The following ZZEF1 variants were observed in gnomAD, a reference collection of about 807,000 sequenced individuals.
ZZEF1 encodes the protein zinc finger ZZ-type and EF-hand domain containing 1, also known as zinc finger ZZ-type and EF-hand domain-containing protein 1.
In ZZEF1, 157 loss-of-function variants were observed where a neutral mutation model predicts 342.8. That is an observed-to-expected ratio of 0.46 (90% CI 0.40 to 0.52). The LOEUF is 0.52. Ranked by LOEUF, ZZEF1 falls within the 20% of genes least tolerant of loss-of-function variation. ZZEF1 has a pLI of 0.00. For missense variants in ZZEF1, 3,480 were observed against 3,725.6 expected (o/e 0.93, Z 1.72); for synonymous variants, 1,505 against 1,429.1 (o/e 1.05, Z -1.20).
Position 4,062,902 on chromosome 17 carries a change from A to G in ZZEF1, c.4734T>C (p.Leu1578=). 3 of 1,611,748 alleles carry G rather than the reference A, an allele frequency of 1.9e-6. No individual in the cohort carries two copies. Among genetic ancestry groups the G allele is most frequent in the East Asian group, 2.2e-5 (1 of 44,876 alleles). Residue 1578 remains leucine, a synonymous_variant, in exon 30 of 55, where the codon CTT becomes CTC. Transcript: ENST00000381638. ...SLSHRSVVKV[L]SLRKAQAQSI... Reference sequence around the variant, plus strand: ...TCTGGGCCTGGGCTTTCCTCAGGGAAAGAACCTTCACAACACTGGAGACAC... The same window carrying G: ...TCTGGGCCTGGGCTTTCCTCAGGGAGAGAACCTTCACAACACTGGAGACAC...
intron 11 of ZZEF1, among the ~76,000 whole-genome samples, chr17:4,093,381 T>C (rs751996874): frequency 6.6e-5 from 10 of 152,192 alleles, no homozygotes; most frequent in Non-Finnish European, 1.3e-4. Context: ...TGAAGAGACA[T>C]TACAAATGTG....
chr17:4,028,466 T>G (rs1202018983), intron 42 of ZZEF1, among the ~76,000 whole-genome samples: 1 of 151,198 alleles, frequency 6.6e-6, no homozygotes, highest in African/African-American at 2.4e-5. Flanking sequence ...GAGAACTGCT[T>G]GAACCCTGGG....
chr17:4,054,771 T>C (rs2057121114), intron 33 of ZZEF1, among the ~76,000 whole-genome samples: 1 of 151,944 alleles, frequency 6.6e-6, no homozygotes, highest in Non-Finnish European at 1.5e-5. Context: ...CTTCTGGAAG[T>C]TGAGGAAAGA....
intron 18 of ZZEF1, among the ~76,000 whole-genome samples, chr17:4,080,363 CAG>C (rs757555753): frequency 7.9e-5 from 12 of 151,594 alleles, no homozygotes; most frequent in Non-Finnish European, 1.6e-4. Flanking sequence ...TGTTTTGAGA[CAG>C]AGTTTCGCTC....
chr17:4,076,626 A>C lies in ZZEF1; in HGVS notation c.3234+11T>G. 2 of 1,603,102 alleles carry C rather than the reference A, an allele frequency of 1.2e-6. No individual in the cohort carries two copies. Among genetic ancestry groups the C allele is most frequent in the Non-Finnish European group, 1.7e-6 (2 of 1,173,766 alleles). On this transcript the variant is annotated intron_variant, in intron 21 of 54. Coordinates refer to ENST00000381638, the MANE Select transcript of ZZEF1 (RefSeq NM_015113.4). ...AGAACACGGGGCGGCTCAAGTGCTG[A>C]CTCGAGTTACCTTCCTCAGTCCTCC... is the stretch of plus-strand genomic sequence containing the variant.
At chr17:4,037,567 C>T (rs927155463) in intron 39 of ZZEF1, among the ~76,000 whole-genome samples, 4 of 152,116 alleles carry the variant, frequency 2.6e-5, no homozygotes, top group South Asian at 2.1e-4. Flanking sequence ...AACTGCTACA[C>T]GTTCATTCTT....
Position 4,054,063 on chromosome 17 carries a change from A to G in ZZEF1, c.5428T>C (p.Phe1810Leu). The G allele has an allele frequency of 6.2e-7, 1 of 1,610,022 alleles. No individual in the cohort carries two copies. ...CCCAGTTCATGAAATTTACCTAGGA[A>G]GCAAGTTTTGCAGAGATCCATGTCG... ...CSDMDLCKTC[F>L]LGGVKPEGHG... Residue 1810 changes from phenylalanine to leucine, a missense_variant, in exon 34 of 55, where the codon TTC becomes CTC. Physicochemically the swap from Phe to Leu is conservative, Grantham distance 22. Transcript: ENST00000381638.
intron 45 of ZZEF1, among the ~76,000 whole-genome samples, chr17:4,020,434 C>T (rs1328381790): frequency 6.6e-6 from 1 of 152,226 alleles, no homozygotes; most frequent in Non-Finnish European, 1.5e-5. Context: ...ACTTGAACTC[C>T]TGGCCTCAAG....
At chr17:4,141,582 T>C (rs1417378097) in intron 1 of ZZEF1, among the ~76,000 whole-genome samples, 1 of 152,168 alleles carries the variant, frequency 6.6e-6, no homozygotes, top group Non-Finnish European at 1.5e-5. Flanking sequence ...GAATACCTAA[T>C]GGATGCTGGG....
intron 1 of ZZEF1, among the ~76,000 whole-genome samples, chr17:4,128,224 T>C (rs28651755): frequency 0.15 from 23,371 of 151,108 alleles, 1,978 homozygotes; most frequent in African/African-American, 0.22. Flanking sequence ...GGCGCGTGCA[T>C]GTAATCCCAG....
chr17:4,088,847 C>T lies in ZZEF1; in HGVS notation c.2072G>A (p.Arg691His), dbSNP rs766280949. The T allele has an allele frequency of 6.2e-6, 10 of 1,614,142 alleles. No homozygotes were observed. The highest frequency in any genetic ancestry group is 4.4e-5 in the South Asian group (4 of 91,078). The change falls in exon 13 of 55, where the codon CGC (arginine) becomes CAC (histidine). Residue 691 changes from arginine to histidine, a missense_variant. Physicochemically the swap from Arg to His is conservative, Grantham distance 29. Transcript: ENST00000381638. ...GATGGTCAAGCCTTGCACTCCCAAG[C>T]GCTCTGCTGACTCCTGACGGGTGCA... Reference protein sequence around the residue: ...FLCTRQESAERLGVQGLTISG... With the variant: ...FLCTRQESAEHLGVQGLTISG...
At chr17:4,092,299 C>CTTTT (rs367934690) in intron 11 of ZZEF1, among the ~76,000 whole-genome samples, 8 of 118,388 alleles carry the variant, frequency 6.8e-5, no homozygotes, top group Non-Finnish European at 1.0e-4. Context: ...AAACATGTCC[C>CTTTT]TTTTTTTTTT....
intron 1 of ZZEF1, among the ~76,000 whole-genome samples, chr17:4,139,533 A>G (rs1464325443): frequency 2.0e-5 from 3 of 152,258 alleles, no homozygotes; most frequent in African/African-American, 7.2e-5. Flanking sequence ...GTAGATTAAC[A>G]ACGCAGAATT....
chr17:4,119,274 C>T (rs1026342689), intron 2 of ZZEF1, among the ~76,000 whole-genome samples: 19 of 152,184 alleles, frequency 1.2e-4, no homozygotes, highest in African/African-American at 3.9e-4. Context: ...TCTTCTGCAC[C>T]GGCCAAATAT....
intron 6 of ZZEF1, among the ~76,000 whole-genome samples, chr17:4,109,135 G>A (rs1567848662): frequency 6.6e-6 from 1 of 152,072 alleles, no homozygotes; most frequent in Non-Finnish European, 1.5e-5. Context: ...TCACTCATTC[G>A]TGGAAAGAGC....
At chr17:4,073,792 A>C (rs1467614995) in intron 24 of ZZEF1, among the ~76,000 whole-genome samples, 1 of 152,158 alleles carries the variant, frequency 6.6e-6, no homozygotes, top group African/African-American at 2.4e-5. Context: ...ACATATATTT[A>C]CATAAATATT....
rs545458016 is a variant in ZZEF1 at position 4,024,773 on chromosome 17, G to A, written c.7092+146C>T. 4.4e-5 allele frequency: 34 copies of A among 773,684 alleles called. No individual in the cohort carries two copies. In the East Asian group the frequency reaches 7.4e-4, roughly 17 times the overall value. 47.9% of individuals were successfully genotyped at this position (773,684 alleles called of 1,614,324 possible). The stretch of plus-strand genomic sequence containing the variant: ...GTATTTCCTCTTTGAAGTTATCTGT[G>A]TGTAAGGCCCACGCGTTTCTAAAAA... On this transcript the variant is annotated intron_variant, in intron 43 of 54. Coordinates refer to ENST00000381638, the MANE Select transcript of ZZEF1 (RefSeq NM_015113.4).
At chr17:4,096,084 A>G in intron 10 of ZZEF1, 105 bp from the exon 11 acceptor site, 1 of 1,253,192 alleles carries the variant, frequency 8.0e-7, no homozygotes, top group Non-Finnish European at 1.1e-6. Context: ...AAACGAGACC[A>G]ATGAAAAATA....
chr17:4,044,333 G>A lies in ZZEF1; in HGVS notation c.6057C>T (p.Phe2019=), dbSNP rs141838744. 1.4e-4 allele frequency: 218 copies of A among 1,613,948 alleles called. 1 individual carries two copies. The African/African-American group carries it at 2.8e-3, about 21-fold the overall frequency. Residue 2019 remains phenylalanine (F), a synonymous_variant, in exon 38 of 55, where the codon TTC becomes TTT. Coordinates refer to ENST00000381638, the MANE Select transcript of ZZEF1 (RefSeq NM_015113.4). ...AVHEEIRPVD[F]KQRNKADKGV... ...CTTTATCTGCCTTATTTCTCTGCTT[G>A]AAATCTACAGGTCTGATTTCCTCAT...
Sources: allele counts gnomAD v4.1 joint callset (sites outside exome capture counted in the v4.1 genomes callset), GRCh38; gene constraint gnomAD v4.1.1; transcripts MANE v1.5; gene names NCBI Gene and HGNC (gene_info 2026-07-23, HGNC 2026-07-21).